ALMS1: variants seen among roughly 807,000 people sequenced by gnomAD.
The protein encoded by ALMS1 is ALMS1 centrosome and basal body associated protein, also known as centrosome-associated protein ALMS1.
In ALMS1, 271 loss-of-function variants were observed where a neutral mutation model predicts 352.2. The ratio of observed to expected loss-of-function variants is 0.77; its 90% CI spans 0.70 to 0.85. ALMS1 has a LOEUF of 0.85. ALMS1 is among the 40% of genes least tolerant of loss of function. The pLI is 0.00. For synonymous variants in ALMS1, 1,865 were observed against 1,761.2 expected (o/e 1.06, Z -1.48); for missense variants, 5,445 against 4,870.7 (o/e 1.12, Z -3.51).
At chr2:73,577,055 A>C (rs1377671377) in intron 16 of ALMS1, among the ~76,000 whole-genome samples, 1 of 152,216 alleles carries the variant, frequency 6.6e-6, no homozygotes, top group Non-Finnish European at 1.5e-5. Flanking sequence ...TCAGTTTATT[A>C]GAATTTGAAG....
rs564977786 is a variant in ALMS1, at chr2:73,542,218, G to A, written c.9907+7269G>A. ...GGGATGCAAGGCTGGTTCAACATTC[G>A]TAAATCACTAAATGTAATCCAGCAT... On this transcript the variant is annotated intron_variant, in intron 12 of 22. Coordinates refer to ENST00000613296, the MANE Select transcript of ALMS1 (RefSeq NM_001378454.1). Among the ~76,000 whole-genome samples the A allele has an allele frequency of 9.9e-5, 15 of 152,176 alleles. No individual in the cohort carries two copies. In the South Asian group the frequency reaches 2.1e-3, roughly 21 times the overall value.
chr2:73,538,128 T>C (rs1240138474), intron 12 of ALMS1, among the ~76,000 whole-genome samples: 5 of 152,176 alleles, frequency 3.3e-5, no homozygotes, highest in Admixed American at 3.3e-4. Flanking sequence ...ACTCACAGCA[T>C]AGGAGAAAAT....
intron 4 of ALMS1, among the ~76,000 whole-genome samples, chr2:73,423,796 T>C (rs912576545): frequency 6.6e-6 from 1 of 152,060 alleles, no homozygotes; most frequent in African/African-American, 2.4e-5. Flanking sequence ...TTTTTTTCTT[T>C]AGATGGAGTC....
intron 7 of ALMS1, among the ~76,000 whole-genome samples, chr2:73,441,826 A>G (rs1671725354): frequency 6.6e-6 from 1 of 151,912 alleles, no homozygotes; most frequent in South Asian, 2.1e-4. Context: ...GGAAAAGCAA[A>G]TTTATATCAT....
intron 10 of ALMS1, among the ~76,000 whole-genome samples, chr2:73,518,157 C>T (rs1015246226): frequency 2.2e-4 from 34 of 151,832 alleles, no homozygotes; most frequent in African/African-American, 7.2e-4. Context: ...CTGTTGTTCC[C>T]CTCTTTGTGT....
chr2:73,549,893 T>C (rs1440992749), intron 12 of ALMS1, among the ~76,000 whole-genome samples: 1 of 152,216 alleles, frequency 6.6e-6, no homozygotes, highest in Non-Finnish European at 1.5e-5. Context: ...CAAGTCTCAC[T>C]CTGCCACTCA....
At chr2:73,542,949 T>C (rs1558687879) in intron 12 of ALMS1, among the ~76,000 whole-genome samples, 1 of 152,070 alleles carries the variant, frequency 6.6e-6, no homozygotes, top group Non-Finnish European at 1.5e-5. Flanking sequence ...CCAAGGTAAT[T>C]TATAGATTCA....
At chr2:73,444,186 G>T (rs1671766505) in intron 7 of ALMS1, among the ~76,000 whole-genome samples, 2 of 152,072 alleles carry the variant, frequency 1.3e-5, no homozygotes, top group African/African-American at 4.8e-5. Context: ...TTTAGTTTGG[G>T]GCAGGACTTT....
At chr2:73,510,712 C>T (rs950719399) in intron 10 of ALMS1, among the ~76,000 whole-genome samples, 1 of 152,216 alleles carries the variant, frequency 6.6e-6, no homozygotes, top group African/African-American at 2.4e-5. Context: ...CTTGTGGAGG[C>T]ATTCTGTCCC....
chr2:73,603,693 C>T, intron 21 of ALMS1: 1 of 267,468 alleles, frequency 3.7e-6, no homozygotes, highest in Non-Finnish European at 7.2e-6. Flanking sequence ...AACTCCATCT[C>T]TACTCAAAAT....
intron 9 of ALMS1, among the ~76,000 whole-genome samples, chr2:73,480,089 ATTATAC>A (rs1000017182): frequency 2.7e-5 from 4 of 149,806 alleles, no homozygotes; most frequent in Non-Finnish European, 4.5e-5. Context: ...TATTTTTATT[ATTATAC>A]TTTAAGTTTT....
In ALMS1 at chr2:73,431,541, A is replaced by G. The variant is rs564079164; in HGVS notation, c.1339-657A>G. Among the ~76,000 whole-genome samples, 12 of 152,272 alleles carry G rather than the reference A, an allele frequency of 7.9e-5. 1 individual carries two copies. The highest frequency in any genetic ancestry group is 2.9e-4 in the African/African-American group (12 of 41,568). On this transcript the variant is annotated intron_variant, in intron 6 of 22. Transcript: ENST00000613296. ...TTAATGTCACCAATATTGGTTTCTA[A>G]TTTCTTTTCTAGCAAGAACTTGTGA...
intron 12 of ALMS1, among the ~76,000 whole-genome samples, chr2:73,546,138 C>T (rs1317722594): frequency 6.6e-6 from 1 of 152,138 alleles, no homozygotes; most frequent in Non-Finnish European, 1.5e-5. Flanking sequence ...TTTTGACCCT[C>T]TATAGCAAGG....
intron 12 of ALMS1, among the ~76,000 whole-genome samples, chr2:73,538,486 T>C (rs957844665): frequency 5.3e-5 from 8 of 152,108 alleles, no homozygotes; most frequent in African/African-American, 1.9e-4. Flanking sequence ...ATTTCTGCAT[T>C]TCCAACTGAG....
intron 10 of ALMS1, among the ~76,000 whole-genome samples, chr2:73,498,946 T>A (rs1382518955): frequency 2.0e-5 from 3 of 152,196 alleles, no homozygotes; most frequent in Non-Finnish European, 1.5e-5. Flanking sequence ...TTCCTTTCTT[T>A]TGGGTATATA....
intron 3 of ALMS1, among the ~76,000 whole-genome samples, chr2:73,422,173 A>G (rs944083693): frequency 3.9e-5 from 6 of 152,146 alleles, no homozygotes; most frequent in Non-Finnish European, 8.8e-5. Context: ...AATGTTTAGA[A>G]GTATGGCCAT....
At position 73,399,936 on chromosome 2, in the gene ALMS1, G is replaced by GTTTT. The variant is rs1382540969; in HGVS notation, c.325-8670_325-8667dup. Among the ~76,000 whole-genome samples, 128 of 119,106 alleles carry GTTTT rather than the reference G, an allele frequency of 1.1e-3. 4 individuals carry two copies. Among genetic ancestry groups the GTTTT allele is most frequent in the African/African-American group, 3.5e-3 (108 of 31,162 alleles). 78.1% of individuals were successfully genotyped at this position (119,106 alleles called of 152,430 possible). A position where few individuals can be genotyped will look rare whatever the true frequency, so the allele number is the denominator to read the frequency against. On this transcript the variant is annotated intron_variant, in intron 1 of 22. Transcript: ENST00000613296. ...GTCAACATGATGGATTATATTAATT[G>GTTTT]TTTTTTTTTTTTTTTTTTTGAGACA...
At chr2:73,387,920 T>G (rs765250478) in intron 1 of ALMS1, among the ~76,000 whole-genome samples, 3 of 152,208 alleles carry the variant, frequency 2.0e-5, no homozygotes, top group Non-Finnish European at 4.4e-5. Context: ...GGCAAAATCA[T>G]CATACTTAAT....
intron 7 of ALMS1, among the ~76,000 whole-genome samples, chr2:73,434,936 A>G (rs558901222): frequency 1.8e-4 from 28 of 152,294 alleles, no homozygotes; most frequent in African/African-American, 6.0e-4. Flanking sequence ...AGCTGGGACT[A>G]TAGGCGTGTG....
Sources: allele counts gnomAD v4.1 joint callset (sites outside exome capture counted in the v4.1 genomes callset), GRCh38; gene constraint gnomAD v4.1.1; transcripts MANE v1.5; gene names NCBI Gene and HGNC (gene_info 2026-07-23, HGNC 2026-07-21).